The following ASB3 variants were observed in gnomAD, a reference collection of about 807,000 sequenced individuals.
ASB3 encodes ankyrin repeat and SOCS box protein 3.
ASB3 carries 41 observed loss-of-function variants against 54.5 expected under a neutral mutation model. The observed-to-expected ratio is 0.75, with a 90% CI of 0.59 to 0.98. The LOEUF is 0.98. Among genes scored for constraint, ASB3 ranks in the 50% least tolerant of loss-of-function variants. The probability of loss-of-function intolerance (pLI) is 0.00; values close to 1 mark genes in which losing one functional copy is unlikely to be tolerated. For synonymous variants in ASB3, 266 were observed against 221.2 expected (o/e 1.20, Z -1.80); for missense variants, 733 against 620.0 (o/e 1.18, Z -1.94).
At chr2:53,774,494 T>A (rs762014462) in intron 1 of ASB3, 3 of 1,569,050 alleles carry the variant, frequency 1.9e-6, no homozygotes, top group Admixed American at 2.0e-5. Flanking sequence ...AAGGAACGTT[T>A]AGAAGGGAAA....
intron 7 of ASB3, among the ~76,000 whole-genome samples, chr2:53,707,304 C>A (rs574827082): frequency 4.6e-5 from 7 of 152,286 alleles, no homozygotes; most frequent in African/African-American, 1.7e-4. Context: ...TTAGTGTGGT[C>A]TGTGGATCAG....
intron 7 of ASB3, among the ~76,000 whole-genome samples, chr2:53,706,361 T>A (rs1669770516): frequency 6.6e-6 from 1 of 152,230 alleles, no homozygotes; most frequent in Admixed American, 6.5e-5. Flanking sequence ...AAATCCTTGC[T>A]CTCAAGGAGC....
At chr2:53,676,247 G>T (rs1419000040) in intron 9 of ASB3, among the ~76,000 whole-genome samples, 1 of 152,174 alleles carries the variant, frequency 6.6e-6, no homozygotes, top group Non-Finnish European at 1.5e-5. Flanking sequence ...AGTATCCACA[G>T]TGATACTACT....
chr2:53,774,528 TAGTCTTC>T (rs1430007842), intron 1 of ASB3: 22 of 1,524,538 alleles, frequency 1.4e-5, no homozygotes, highest in Non-Finnish European at 1.8e-5. Context: ...GCATATAATT[TAGTCTTC>T]AGAGAATTAA....
intron 1 of ASB3, among the ~76,000 whole-genome samples, chr2:53,782,427 G>A (rs185445957): frequency 2.0e-4 from 30 of 152,186 alleles, no homozygotes; most frequent in African/African-American, 6.7e-4. Flanking sequence ...AGAGCCTGGA[G>A]AGGTACCAAT....
intron 3 of ASB3, among the ~76,000 whole-genome samples, chr2:53,744,406 A>T (rs78926102): frequency 0.091 from 13,734 of 150,978 alleles, 808 homozygotes; most frequent in Non-Finnish European, 0.12. Context: ...TAAAAAAATT[A>T]AAAAAAATAA....
At chr2:53,693,420 G>C (rs1429983373) in intron 9 of ASB3, among the ~76,000 whole-genome samples, 1 of 152,034 alleles carries the variant, frequency 6.6e-6, no homozygotes, top group Admixed American at 6.6e-5. Flanking sequence ...CATACCAACA[G>C]ACTGATACAC....
chr2:53,753,482 A>G (rs1357467965), intron 2 of ASB3, among the ~76,000 whole-genome samples: 1 of 152,186 alleles, frequency 6.6e-6, no homozygotes, highest in Non-Finnish European at 1.5e-5. Flanking sequence ...TTAGCTTAAT[A>G]TAGATACAGA....
At chr2:53,700,172 C>T in intron 8 of ASB3, 99 bp downstream of exon 8, 2 of 1,499,628 alleles carry the variant, frequency 1.3e-6, no homozygotes, top group Non-Finnish European at 1.8e-6. Context: ...AGTCAAAACA[C>T]AGATACCCTT....
At chr2:53,701,013 T>G (rs527640484) in intron 7 of ASB3, among the ~76,000 whole-genome samples, 1 of 152,352 alleles carries the variant, frequency 6.6e-6, no homozygotes, top group African/African-American at 2.4e-5. Flanking sequence ...TCTTGCTCTG[T>G]GGCCCAGGCT....
At chr2:53,771,286 G>A (rs923765845) in intron 1 of ASB3, among the ~76,000 whole-genome samples, 6 of 152,124 alleles carry the variant, frequency 3.9e-5, no homozygotes, top group African/African-American at 1.4e-4. Context: ...AGGCCGAGAC[G>A]GGTGGATTAC....
intron 2 of ASB3, among the ~76,000 whole-genome samples, chr2:53,752,292 T>C (rs1236338402): frequency 6.6e-6 from 1 of 152,210 alleles, no homozygotes; most frequent in African/African-American, 2.4e-5. Flanking sequence ...ATCCGGGTTC[T>C]TGTGTCACCA....
At chr2:53,680,439 C>T (rs1668309442) in intron 9 of ASB3, among the ~76,000 whole-genome samples, 1 of 152,196 alleles carries the variant, frequency 6.6e-6, no homozygotes, top group Non-Finnish European at 1.5e-5. Context: ...ACCATTCTGA[C>T]TGCTATGAGA....
chr2:53,670,609 T>C lies in ASB3; in HGVS notation c.1451A>G (p.Tyr484Cys), dbSNP rs1366007828. ...TCTGGGAAGTGGCAGCTGACTAATA[T>C]AACTGTCAGACCGTAGACGTTCTGA... Reference protein sequence around the residue: ...LKSERLRSDSYISQLPLPRSL... With the variant: ...LKSERLRSDSCISQLPLPRSL... Residue 484 changes from tyrosine to cysteine, a missense_variant, in exon 10 of 10, where the codon TAT (tyrosine) becomes TGT (cysteine). By Grantham distance (194) the Tyr-to-Cys change is radical. Transcript: ENST00000263634. 1 of 1,614,044 alleles carries C rather than the reference T, an allele frequency of 6.2e-7. No individual in the cohort carries two copies. Among genetic ancestry groups the C allele is most frequent in the East Asian group, 2.2e-5 (1 of 44,868 alleles).
chr2:53,682,882 CT>C (rs1216352822), intron 9 of ASB3, among the ~76,000 whole-genome samples: 2 of 152,144 alleles, frequency 1.3e-5, no homozygotes, highest in Non-Finnish European at 2.9e-5. Flanking sequence ...TTGGTGGAGT[CT>C]TTAGGTTTTT....
At chr2:53,711,908 C>T (rs11901698) in intron 7 of ASB3, among the ~76,000 whole-genome samples, 25,047 of 152,060 alleles carry the variant, frequency 0.16, 2,152 homozygotes, top group South Asian at 0.23. Flanking sequence ...ATTTTGACCA[C>T]AGTTTTTTGT....
chr2:53,716,728 C>T lies in ASB3; in HGVS notation c.620G>A (p.Cys207Tyr). 2 of 1,612,926 alleles carry T rather than the reference C, an allele frequency of 1.2e-6. No individual in the cohort carries two copies. Among genetic ancestry groups the T allele is most frequent in the Non-Finnish European group, 1.7e-6 (2 of 1,179,226 alleles). The change falls in exon 6 of 10, where the codon TGT becomes TAT. Residue 207 changes from cysteine to tyrosine, a missense_variant. Physicochemically the swap from Cys to Tyr is radical, Grantham distance 194. Coordinates refer to ENST00000263634, the MANE Select transcript of ASB3 (RefSeq NM_016115.5). Reference sequence around the variant, plus strand: ...GGGTGTAGCTTTGTCCAAGGCTTGACAATTGACATTTGCACCTAAGGGTAC... The same window carrying T: ...GGGTGTAGCTTTGTCCAAGGCTTGATAATTGACATTTGCACCTAAGGGTAC... The part of the protein sequence containing the change: ...ILISSGANVN[C>Y]QALDKATPLF...
chr2:53,767,162 T>C (rs369056681), intron 1 of ASB3: 5 of 152,124 alleles, frequency 3.3e-5, no homozygotes, highest in Admixed American at 6.5e-5. Context: ...GGGCCCCAAG[T>C]TAAGAACATT....
At chr2:53,687,012 G>A (rs951326254) in intron 9 of ASB3, among the ~76,000 whole-genome samples, 25 of 152,172 alleles carry the variant, frequency 1.6e-4, no homozygotes, top group Admixed American at 3.9e-4. Context: ...GAGCCATGGC[G>A]CCTGGCCAAT....
Sources: allele counts gnomAD v4.1 joint callset (sites outside exome capture counted in the v4.1 genomes callset), GRCh38; gene constraint gnomAD v4.1.1; transcripts MANE v1.5; gene names NCBI Gene and HGNC (gene_info 2026-07-23, HGNC 2026-07-21).